SEZ6L: variants seen among roughly 807,000 people sequenced by gnomAD.
SEZ6L encodes the protein seizure 6-like protein.
Under a neutral mutation model 106.2 loss-of-function variants are expected in SEZ6L, and 37 were observed. That is an observed-to-expected ratio of 0.35 (90% confidence interval 0.27 to 0.46). SEZ6L has a LOEUF of 0.46. Among genes scored for constraint, SEZ6L ranks in the 20% least tolerant of loss-of-function variants. The pLI is 1.00. For missense variants in SEZ6L, 1,172 were observed against 1,332.8 expected (o/e 0.88, Z 1.88); for synonymous variants, 541 against 570.4 (o/e 0.95, Z 0.73).
intron 1 of SEZ6L, among the ~76,000 whole-genome samples, chr22:26,174,849 T>A (rs1429233026): frequency 6.6e-6 from 1 of 152,236 alleles, no homozygotes; most frequent in Non-Finnish European, 1.5e-5. Flanking sequence ...ACAGCATTTA[T>A]TGAGTGTTGA....
At chr22:26,356,750 C>T (rs965266729) in intron 12 of SEZ6L, among the ~76,000 whole-genome samples, 15 of 151,864 alleles carry the variant, frequency 9.9e-5, no homozygotes, top group African/African-American at 2.9e-4. Flanking sequence ...TCTTCTTAAA[C>T]GTTAGGATCA....
Position 26,340,525 on chromosome 22 carries a change from G to A in SEZ6L, c.2105G>A (p.Gly702Asp), listed in dbSNP as rs376290581. The A allele has an allele frequency of 2.6e-5, 42 of 1,613,958 alleles. No individual in the cohort carries two copies. The highest frequency in any genetic ancestry group is 3.4e-5 in the Non-Finnish European group (40 of 1,180,008). The part of the protein sequence containing the change: ...HILGQYLGNS[G>D]PQKLYSSTPD... Reference sequence around the variant, plus strand: ...TTGGGGCAGTACCTTGGGAACAGTGGCCCCCAGAAACTGTACTCCTCCACG... The same window carrying A: ...TTGGGGCAGTACCTTGGGAACAGTGACCCCCAGAAACTGTACTCCTCCACG... Residue 702 changes from glycine (G) to aspartate (D), a missense_variant, in exon 10 of 17, where the codon GGC (glycine) becomes GAC (aspartate). Around this residue, in one of 4 missense-constraint regions of SEZ6L, gnomAD observed 534 missense variants for 691.0 expected, o/e 0.77. Coordinates refer to ENST00000248933, the MANE Select transcript of SEZ6L (RefSeq NM_021115.5).
chr22:26,250,078 A>G (rs1415441031), intron 1 of SEZ6L, among the ~76,000 whole-genome samples: 1 of 152,180 alleles, frequency 6.6e-6, no homozygotes, highest in Non-Finnish European at 1.5e-5. Flanking sequence ...CCCTTGTTGA[A>G]TGAATAGTTT....
At chr22:26,350,387 C>T (rs1055684088) in intron 11 of SEZ6L, among the ~76,000 whole-genome samples, 1 of 151,582 alleles carries the variant, frequency 6.6e-6, no homozygotes, top group Non-Finnish European at 1.5e-5. Flanking sequence ...CCCACCATGC[C>T]CCATTAATTT....
chr22:26,338,622 C>T (rs1322583744), intron 9 of SEZ6L, among the ~76,000 whole-genome samples: 1 of 151,958 alleles, frequency 6.6e-6, no homozygotes, highest in Non-Finnish European at 1.5e-5. Flanking sequence ...TGCAGTGGCA[C>T]AATCTCAGCT....
intron 9 of SEZ6L, among the ~76,000 whole-genome samples, chr22:26,330,580 G>C (rs1461367613): frequency 6.6e-6 from 1 of 152,114 alleles, no homozygotes; most frequent in Non-Finnish European, 1.5e-5. Flanking sequence ...AGCTGCAAGG[G>C]GCTTGGTGTA....
rs2083861433 is a variant in SEZ6L at position 26,367,534 on chromosome 22, G to A, written c.2794+1968G>A. 2.0e-5 allele frequency among the ~76,000 whole-genome samples: 3 copies of A among 151,914 alleles called. No individual in the cohort carries two copies. In the South Asian group the frequency reaches 6.2e-4, roughly 32 times the overall value. On this transcript the variant is annotated intron_variant, in intron 13 of 16. Coordinates refer to ENST00000248933, the MANE Select transcript of SEZ6L (RefSeq NM_021115.5). ...AAATTTTTTTATTTTTGTAGAGATG[G>A]GGGTCTCGCTATGTTGCCCAGGCTG...
At chr22:26,189,792 A>G (rs1485890358) in intron 1 of SEZ6L, among the ~76,000 whole-genome samples, 1 of 152,134 alleles carries the variant, frequency 6.6e-6, no homozygotes, top group Non-Finnish European at 1.5e-5. Context: ...AATCAGAATG[A>G]GGGACTCTTC....
intron 9 of SEZ6L, among the ~76,000 whole-genome samples, chr22:26,329,322 G>T (rs1188986718): frequency 1.3e-5 from 2 of 152,138 alleles, no homozygotes; most frequent in African/African-American, 4.8e-5. Flanking sequence ...GCAAAAATTA[G>T]CTGGGCTTGG....
intron 1 of SEZ6L, among the ~76,000 whole-genome samples, chr22:26,279,491 A>C (rs2080686805): frequency 6.6e-6 from 1 of 152,120 alleles, no homozygotes; most frequent in African/African-American, 2.4e-5. Flanking sequence ...ACTGCCAATA[A>C]ATTCATCTCC....
At chr22:26,200,161 T>C (rs1455391824) in intron 1 of SEZ6L, among the ~76,000 whole-genome samples, 1 of 152,178 alleles carries the variant, frequency 6.6e-6, no homozygotes, top group Admixed American at 6.5e-5. Context: ...CTCCTTCTAA[T>C]GTATATATTT....
intron 1 of SEZ6L, among the ~76,000 whole-genome samples, chr22:26,245,389 G>A (rs1397285725): frequency 6.6e-6 from 1 of 152,080 alleles, no homozygotes; most frequent in African/African-American, 2.4e-5. Flanking sequence ...CAGGCTCCCA[G>A]GCAGCCCTTG....
At chr22:26,255,149 A>T (rs1382118808) in intron 1 of SEZ6L, among the ~76,000 whole-genome samples, 3 of 152,146 alleles carry the variant, frequency 2.0e-5, no homozygotes, top group African/African-American at 7.2e-5. Flanking sequence ...ATGCAATTTG[A>T]TGGATTTGGA....
intron 9 of SEZ6L, among the ~76,000 whole-genome samples, chr22:26,321,659 G>A (rs2082158055): frequency 1.3e-5 from 2 of 152,182 alleles, no homozygotes; most frequent in Admixed American, 1.3e-4. Flanking sequence ...ATCTTGCTTG[G>A]TTTTCCACTG....
intron 1 of SEZ6L, among the ~76,000 whole-genome samples, chr22:26,222,035 G>T (rs2078491435): frequency 6.6e-6 from 1 of 152,178 alleles, no homozygotes; most frequent in African/African-American, 2.4e-5. Flanking sequence ...AGAGAAGACA[G>T]TTTCCCAGAA....
At chr22:26,317,333 C>T (rs934880668) in intron 9 of SEZ6L, among the ~76,000 whole-genome samples, 5 of 151,950 alleles carry the variant, frequency 3.3e-5, no homozygotes, top group Non-Finnish European at 4.4e-5. Context: ...AGAGAAGGTA[C>T]GACCTACTCC....
chr22:26,250,585 T>G (rs1239456391), intron 1 of SEZ6L, among the ~76,000 whole-genome samples: 1 of 152,210 alleles, frequency 6.6e-6, no homozygotes, highest in Non-Finnish European at 1.5e-5. Flanking sequence ...TATTTTGAAG[T>G]CAGGTAGTAT....
intron 1 of SEZ6L, among the ~76,000 whole-genome samples, chr22:26,287,525 G>T (rs2080976539): frequency 6.6e-6 from 1 of 152,130 alleles, no homozygotes; most frequent in African/African-American, 2.4e-5. Flanking sequence ...TAACTCAGCG[G>T]TCATCGGACA....
At chr22:26,238,759 G>A (rs190615666) in intron 1 of SEZ6L, among the ~76,000 whole-genome samples, 1 of 152,310 alleles carries the variant, frequency 6.6e-6, no homozygotes, top group Non-Finnish European at 1.5e-5. Flanking sequence ...CATGGAAATC[G>A]TTAGTCACTT....
Sources: allele counts gnomAD v4.1 joint callset (sites outside exome capture counted in the v4.1 genomes callset), GRCh38; gene constraint gnomAD v4.1.1; regional missense constraint gnomAD v4.1.1; transcripts MANE v1.5; gene names NCBI Gene and HGNC (gene_info 2026-07-23, HGNC 2026-07-21).